Variants in ZNF717 observed in about 807,000 individuals in gnomAD.
The protein encoded by ZNF717 is zinc finger protein 717.
Under a neutral mutation model 13.8 loss-of-function variants are expected in ZNF717, and 9 were observed. The ratio of observed to expected loss-of-function variants is 0.65; its 90% CI spans 0.39 to 1.14. ZNF717 has a LOEUF of 1.14. Among genes scored for constraint, ZNF717 ranks in the 50% most tolerant of loss-of-function variants. The pLI is 0.01. For missense variants in ZNF717, 1,040 were observed against 1,080.7 expected (o/e 0.96, Z 0.53); for synonymous variants, 327 against 364.1 (o/e 0.90, Z 1.16).
At chr3:75,754,243 C>T (rs74725580) in intron 2 of ZNF717, among the ~76,000 whole-genome samples, 13,181 of 112,130 alleles carry the variant, frequency 0.12, no homozygotes, top group Non-Finnish European at 0.17. Context: ...CATCACCTGC[C>T]CTGACACCTC....
chr3:75,734,733 C>T (rs796337179), downstream of ZNF717, among the ~76,000 whole-genome samples: 1 of 120,688 alleles, frequency 8.3e-6, no homozygotes, highest in Non-Finnish European at 1.9e-5. Context: ...CCGTACCTGG[C>T]TGCTTTTTAT....
In ZNF717 at chr3:75,756,966, C is replaced by G. The variant is rs560644871; in HGVS notation, c.58-15230G>C. 3.9e-5 allele frequency among the ~76,000 whole-genome samples: 6 copies of G among 152,382 alleles called. No homozygotes were observed. The East Asian group carries it at 1.2e-3, about 29-fold the overall frequency. ...GCTGGGATTACAGGCGTGACAGCCA[C>G]AGCGCCCGGCCTCTCTTCAATTCTA... On this transcript the variant is annotated intron_variant, in intron 2 of 4. Transcript: ENST00000652011.
intron 2 of ZNF717, among the ~76,000 whole-genome samples, chr3:75,759,294 G>C (rs181108399): frequency 9.8e-6 from 1 of 101,854 alleles, no homozygotes; most frequent in East Asian, 2.6e-4. Context: ...TTTTTTTTTT[G>C]AGACGGAGTC....
At chr3:75,756,204 T>C (rs1012390710) in intron 2 of ZNF717, among the ~76,000 whole-genome samples, 1 of 152,282 alleles carries the variant, frequency 6.6e-6, no homozygotes, top group African/African-American at 2.4e-5. Flanking sequence ...TGTCATTGTT[T>C]TGGGAACCAC....
Position 75,768,669 on chromosome 3 carries a change from C to T in ZNF717, c.57+14637G>A, listed in dbSNP as rs1459239666. Among the ~76,000 whole-genome samples, 4 of 146,180 alleles carry T rather than the reference C, an allele frequency of 2.7e-5. No homozygotes were observed. In the East Asian group the frequency reaches 8.4e-4, roughly 31 times the overall value. On this transcript the variant is annotated intron_variant, in intron 2 of 4. Coordinates refer to ENST00000652011, the MANE Select transcript of ZNF717 (RefSeq NM_001290208.3). ...CACTGCAGCTGAGTGTGTCGGGGGG[C>T]AGATGACAGGCCACCACACCCTCAT... is the stretch of plus-strand genomic sequence containing the variant.
rs1962895 is a variant in ZNF717, at chr3:75,738,658, T to G, written c.965A>C (p.Tyr322Ser). The change falls in exon 5 of 5, where the codon TAT becomes TCT. Residue 322 changes from tyrosine to serine, a missense_variant. Tyr to Ser is a moderately radical substitution (Grantham distance 144). Coordinates refer to ENST00000652011, the MANE Select transcript of ZNF717 (RefSeq NM_001290208.3). ...ACNWCEKLFS[Y>S]KSSLIIHQRI... ...CTGATGGATAATGAGGCTGGACTTA[T>G]AGCTGAACAATTTTTCACACCAGTT... 1 of 1,526,092 alleles carries G rather than the reference T, an allele frequency of 6.6e-7. No individual in the cohort carries two copies. Among genetic ancestry groups the G allele is most frequent in the South Asian group, 1.2e-5 (1 of 83,776 alleles). The allele number at this position is 1,526,092 out of a possible 1,614,324, so 94.5% of individuals were successfully genotyped here.
downstream of ZNF717, among the ~76,000 whole-genome samples, chr3:75,732,705 T>C (rs1209375977): frequency 6.6e-6 from 1 of 152,266 alleles, no homozygotes; most frequent in African/African-American, 2.4e-5. Flanking sequence ...GTTTACAAAT[T>C]ACTTGCTCTA....
downstream of ZNF717, among the ~76,000 whole-genome samples, chr3:75,709,022 A>C (rs1937874063): frequency 6.9e-6 from 1 of 145,654 alleles, no homozygotes. Context: ...TTTTTTTTAG[A>C]TGGATTCTCA....
intron 2 of ZNF717, among the ~76,000 whole-genome samples, chr3:75,747,509 AC>A (rs1210669381): frequency 6.6e-6 from 1 of 152,146 alleles, no homozygotes; most frequent in East Asian, 1.9e-4. Context: ...ATGTTCTTCT[AC>A]TGGTTTGTGT....
intron 2 of ZNF717, among the ~76,000 whole-genome samples, chr3:75,771,188 T>A (rs1410740648): frequency 6.6e-6 from 1 of 152,162 alleles, no homozygotes; most frequent in East Asian, 1.9e-4. Flanking sequence ...TCAGCTGTGT[T>A]CAAATAAGGC....
chr3:75,737,826 G>C lies in ZNF717; in HGVS notation c.1797C>G (p.Thr599=), dbSNP rs1262746314. ...KPYECNECEK[T]FINKLNLGIH... ...TCCCAAGGTTTAACTTATTGATAAAGGTTTTCTCACATTCATTACATTCAT... is the reference window on the plus strand; with the variant it reads ...TCCCAAGGTTTAACTTATTGATAAACGTTTTCTCACATTCATTACATTCAT... The change falls in exon 5 of 5, where the codon ACC becomes ACG. Residue 599 remains threonine (T), a synonymous_variant. Coordinates refer to ENST00000652011, the MANE Select transcript of ZNF717 (RefSeq NM_001290208.3). The C allele has an allele frequency of 8.4e-6, 13 of 1,551,082 alleles. No individual in the cohort carries two copies. The highest frequency in any genetic ancestry group is 1.1e-5 in the Non-Finnish European group (13 of 1,146,848).
intron 2 of ZNF717, among the ~76,000 whole-genome samples, chr3:75,759,365 T>A (rs1473822669): frequency 6.7e-6 from 1 of 149,164 alleles, no homozygotes; most frequent in Non-Finnish European, 1.5e-5. Flanking sequence ...AAGCTCCACC[T>A]CCCGGGTTCA....
chr3:75,744,739 C>T (rs1330580323), intron 2 of ZNF717, among the ~76,000 whole-genome samples: 3 of 152,252 alleles, frequency 2.0e-5, no homozygotes. Context: ...TCCCCTCCTG[C>T]TTCAACCTTT....
intron 2 of ZNF717, among the ~76,000 whole-genome samples, chr3:75,763,817 G>T (rs1203616578): frequency 2.2e-5 from 1 of 44,626 alleles, no homozygotes; most frequent in Non-Finnish European, 7.7e-5. Flanking sequence ...GGAGTGACCA[G>T]AAGATCAGAG....
At chr3:75,758,985 C>CA (rs1559648158) in intron 2 of ZNF717, among the ~76,000 whole-genome samples, 1 of 152,008 alleles carries the variant, frequency 6.6e-6, no homozygotes, top group East Asian at 1.9e-4. Context: ...ATCACACACA[C>CA]AAAAAAAGAT....
chr3:75,740,367 C>A (rs142197309), intron 4 of ZNF717, among the ~76,000 whole-genome samples: 2,267 of 105,264 alleles, frequency 0.022, no homozygotes, highest in Middle Eastern at 0.039. Flanking sequence ...CCAGCACCAC[C>A]CCTATCCAGG....
At chr3:75,739,395 A>G (rs1270727172) in intron 4 of ZNF717, 50 bp from the exon 5 acceptor site, 2 of 1,375,848 alleles carry the variant, frequency 1.5e-6, no homozygotes, top group African/African-American at 3.0e-5. Flanking sequence ...CATGTCTTAC[A>G]GAATGCTTGT....
intron 1 of ZNF717, chr3:75,784,703 T>C (rs1945043768): frequency 6.6e-6 from 1 of 152,230 alleles, no homozygotes; most frequent in Non-Finnish European, 1.5e-5. Context: ...AACCTACCAC[T>C]GTCACCTAGT....
chr3:75,728,331 A>G (rs2106888973), downstream of ZNF717, among the ~76,000 whole-genome samples: 1 of 152,354 alleles, frequency 6.6e-6, no homozygotes, highest in Middle Eastern at 3.4e-3. Flanking sequence ...TGCCAACGTT[A>G]AGGATGCACA....
Sources: allele counts gnomAD v4.1 joint callset (sites outside exome capture counted in the v4.1 genomes callset), GRCh38; gene constraint gnomAD v4.1.1; transcripts MANE v1.5; gene names NCBI Gene and HGNC (gene_info 2026-07-23, HGNC 2026-07-21).